Variants in TCF3 observed in about 807,000 individuals in gnomAD.
TCF3 encodes transcription factor 3.
TCF3 carries 54 observed loss-of-function variants against 72.3 expected under a neutral mutation model. That is an observed-to-expected ratio of 0.75 (90% CI 0.60 to 0.94). The LOEUF (loss-of-function observed/expected upper bound fraction) is 0.94, where lower values mean the gene tolerates loss of function less well. Among genes scored for constraint, TCF3 ranks in the 40% least tolerant of loss-of-function variants. TCF3 has a pLI of 0.00. For missense variants in TCF3, 1,078 were observed against 934.4 expected, an observed-to-expected ratio of 1.15 and a Z score of -2.00; for synonymous variants, 525 against 412.6, an observed-to-expected ratio of 1.27 and a Z score of -3.30.
At chr19:1,650,444 G>C in intron 1 of TCF3, 157 bp from the exon 2 acceptor site, 2 of 587,124 alleles carry the variant, frequency 3.4e-6, no homozygotes, top group Non-Finnish European at 6.0e-6. Context: ...GGGGAGCCCT[G>C]GGAGCAGGCG....
intron 16 of TCF3, among the ~76,000 whole-genome samples, chr19:1,617,281 G>C (rs77587457): frequency 3.3e-5 from 5 of 152,156 alleles, no homozygotes; most frequent in African/African-American, 1.2e-4. Flanking sequence ...ACAGCCCCAC[G>C]CCCGGGCCAG....
Position 1,619,167 on chromosome 19 carries a change from A to G in TCF3, c.1394T>C (p.Leu465Pro). 1.2e-6 allele frequency: 2 copies of G among 1,600,170 alleles called. No homozygotes were observed. Among genetic ancestry groups the G allele is most frequent in the South Asian group, 1.1e-5 (1 of 91,050 alleles). ...STSLMHNHAA[L>P]PSQPGTLPDL... Reference sequence around the variant, plus strand: ...AGGGAGGGTGCCTGGCTGGCTGGGGAGGGCCGCGTGGTTGTGCATGAGGCT... The same window carrying G: ...AGGGAGGGTGCCTGGCTGGCTGGGGGGGGCCGCGTGGTTGTGCATGAGGCT... Residue 465 changes from leucine (L) to proline (P), a missense_variant, in exon 16 of 19, where the codon CTC becomes CCC. Transcript: ENST00000262965.
intron 5 of TCF3, among the ~76,000 whole-genome samples, chr19:1,629,517 G>A (rs1007713231): frequency 1.3e-5 from 2 of 152,154 alleles, no homozygotes; most frequent in South Asian, 2.1e-4. Flanking sequence ...GGCTACGGAG[G>A]GGAACAGCTG....
At chr19:1,644,544 C>G (rs968705159) in intron 3 of TCF3, among the ~76,000 whole-genome samples, 1 of 152,204 alleles carries the variant, frequency 6.6e-6, no homozygotes, top group Non-Finnish European at 1.5e-5. Context: ...AAGGCGAGAC[C>G]CTCCCAACCT....
intron 18 of TCF3, 149 bp from the exon 19 acceptor site, chr19:1,611,998 C>T (rs924847902): frequency 5.2e-6 from 4 of 767,654 alleles, no homozygotes; most frequent in Admixed American, 2.9e-5. Flanking sequence ...CACCTCCTTC[C>T]TTGAGAAGGC....
rs376998818 is a variant in TCF3 at position 1,642,332 on chromosome 19, G to T, written c.145+4023C>A. 2.6e-5 allele frequency among the ~76,000 whole-genome samples: 4 copies of T among 152,108 alleles called. No individual in the cohort carries two copies. The East Asian group carries it at 7.7e-4, about 29-fold the overall frequency. On this transcript the variant is annotated intron_variant, in intron 3 of 18. Transcript: ENST00000262965. ...CGCACGCACACACAGACACACACAC[G>T]TGCGTGTAAAGCCGGTGGAATCTGA...
chr19:1,627,687 C>T lies in TCF3; in HGVS notation c.299-261G>A, dbSNP rs967550753. Among the ~76,000 whole-genome samples, 12 of 152,206 alleles carry T rather than the reference C, an allele frequency of 7.9e-5. No individual in the cohort carries two copies. In the East Asian group the frequency reaches 9.7e-4, roughly 12 times the overall value. On this transcript the variant is annotated intron_variant, in intron 5 of 18. Coordinates refer to ENST00000262965, the MANE Select transcript of TCF3 (RefSeq NM_003200.5). ...AGGCTTGGGGACAAGAAGGGGTCCC[C>T]GATGATTTCGGGGCCAACTCTGAGC...
chr19:1,651,263 G>A (rs1024227202), intron 1 of TCF3: 2 of 226,538 alleles, frequency 8.8e-6, no homozygotes, highest in Non-Finnish European at 1.8e-5. Flanking sequence ...GGGGACGGGG[G>A]CAGCCCGGGA....
At position 1,612,573 on chromosome 19, in the gene TCF3, G is replaced by C. The variant is rs573851295; in HGVS notation, c.1823-724C>G. ...GTGTGGGTACACGGCTGGTGTTGGTGGGCACAGCAGTGTGGGCAGCAGTGC... is the reference window on the plus strand; with the variant it reads ...GTGTGGGTACACGGCTGGTGTTGGTCGGCACAGCAGTGTGGGCAGCAGTGC... On this transcript the variant is annotated intron_variant, in intron 18 of 18. Coordinates refer to ENST00000262965, the MANE Select transcript of TCF3 (RefSeq NM_003200.5). 8.0e-4 allele frequency: 624 copies of C among 776,858 alleles called. 2 individuals are homozygous for C. Among genetic ancestry groups the C allele is most frequent in the Non-Finnish European group, 1.1e-3 (535 of 486,008 alleles). 48.1% of individuals were successfully genotyped at this position (776,858 alleles called of 1,614,324 possible). A position where few individuals can be genotyped will look rare whatever the true frequency, so the allele number is the denominator to read the frequency against.
chr19:1,650,646 T>G, intron 1 of TCF3: 1 of 246,602 alleles, frequency 4.1e-6, no homozygotes, highest in Non-Finnish European at 7.8e-6. Flanking sequence ...AACTCTCTCA[T>G]TTCCAACCAA....
chr19:1,616,063 G>A (rs2061519100), intron 16 of TCF3, among the ~76,000 whole-genome samples: 1 of 152,210 alleles, frequency 6.6e-6, no homozygotes, highest in South Asian at 2.1e-4. Context: ...TTGGAACAAA[G>A]TGTGTAGAAA....
intron 6 of TCF3, among the ~76,000 whole-genome samples, chr19:1,626,668 T>C (rs2062920742): frequency 1.3e-5 from 2 of 152,074 alleles, no homozygotes; most frequent in African/African-American, 4.8e-5. Flanking sequence ...TGCGTATTCC[T>C]GTCTGTAAAA....
At chr19:1,652,081 G>C (rs1473993058) in intron 1 of TCF3, among the ~76,000 whole-genome samples, 1 of 149,882 alleles carries the variant, frequency 6.7e-6, no homozygotes, top group Non-Finnish European at 1.5e-5. Flanking sequence ...GGGGCGACGC[G>C]GGCCTGGCGA....
At chr19:1,649,402 C>A (rs901411702) in intron 2 of TCF3, among the ~76,000 whole-genome samples, 3 of 150,594 alleles carry the variant, frequency 2.0e-5, no homozygotes, top group African/African-American at 4.9e-5. Context: ...CCGCTCAGCA[C>A]TGGGCACCCC....
intron 3 of TCF3, among the ~76,000 whole-genome samples, chr19:1,643,752 G>A (rs1026552579): frequency 3.9e-5 from 6 of 152,230 alleles, no homozygotes; most frequent in African/African-American, 1.4e-4. Flanking sequence ...CTTCACAGGG[G>A]AAAACTTATG....
chr19:1,623,851 GGGCCCACCCCGCCA>G, intron 8 of TCF3, 86 bp downstream of exon 8: 1 of 1,264,780 alleles, frequency 7.9e-7, no homozygotes, highest in Non-Finnish European at 1.1e-6. Flanking sequence ...TGTCCACTCA[GGGCCCACCCCGCCA>G]TGTGTGTTCC....
intron 7 of TCF3, 127 bp downstream of exon 7, chr19:1,625,449 G>A (rs528677388): frequency 6.0e-5 from 74 of 1,236,274 alleles, no homozygotes; most frequent in Non-Finnish European, 6.6e-5. Flanking sequence ...AGCGCCCGAC[G>A]TCCAGCCAGG....
intron 3 of TCF3, among the ~76,000 whole-genome samples, chr19:1,635,540 C>A (rs2064278653): frequency 1.3e-5 from 2 of 152,184 alleles, no homozygotes; most frequent in East Asian, 3.9e-4. Context: ...GCCTGGGACC[C>A]CTCTTTGTCT....
intron 3 of TCF3, among the ~76,000 whole-genome samples, chr19:1,640,607 AGGAGAT>A (rs896608108): frequency 4.6e-5 from 7 of 151,384 alleles, no homozygotes; most frequent in African/African-American, 1.7e-4. Context: ...TCACAAGGTC[AGGAGAT>A]GGAGACCATC....
Sources: gnomAD v4.1 joint callset for allele counts (sites outside exome capture counted in the v4.1 genomes callset) on GRCh38, gnomAD v4.1.1 for gene constraint, MANE v1.5 for transcripts, NCBI Gene and HGNC (gene_info 2026-07-23, HGNC 2026-07-21) for gene names.